The following BRAF variants were observed in gnomAD, a reference collection of about 807,000 sequenced individuals.
BRAF encodes serine/threonine-protein kinase B-raf.
Under a neutral mutation model 104.6 loss-of-function variants are expected in BRAF, and 16 were observed. The observed-to-expected ratio is 0.15, with a 90% confidence interval of 0.10 to 0.23. BRAF has a LOEUF of 0.23. Ranked by LOEUF, BRAF falls within the 10% of genes least tolerant of loss-of-function variation. The pLI, the probability that BRAF is intolerant of heterozygous loss-of-function variation, is 1.00. For missense variants in BRAF, 541 were observed against 937.3 expected, an observed-to-expected ratio of 0.58 and a Z score of 5.52; for synonymous variants, 310 against 341.6, an observed-to-expected ratio of 0.91 and a Z score of 1.02.
chr7:140,757,805 C>T (rs961797074), intron 14 of BRAF, among the ~76,000 whole-genome samples: 4 of 152,024 alleles, frequency 2.6e-5, no homozygotes, highest in South Asian at 4.1e-4. Flanking sequence ...CTTCTAAATA[C>T]GTAATTATAT....
chr7:140,922,967 G>A (rs536140971), intron 1 of BRAF, among the ~76,000 whole-genome samples: 3 of 152,148 alleles, frequency 2.0e-5, no homozygotes, highest in African/African-American at 7.2e-5. Flanking sequence ...CTGGGGGAAA[G>A]GAACAGATAT....
chr7:140,772,335 A>C (rs1182444484), intron 14 of BRAF, among the ~76,000 whole-genome samples: 2 of 152,124 alleles, frequency 1.3e-5, no homozygotes, highest in African/African-American at 4.8e-5. Context: ...AAATGTACTG[A>C]AAATAGGCCG....
At chr7:140,875,498 T>C (rs911243221) in intron 1 of BRAF, among the ~76,000 whole-genome samples, 3 of 152,174 alleles carry the variant, frequency 2.0e-5, no homozygotes, top group Non-Finnish European at 2.9e-5. Context: ...GCCTCAGCCT[T>C]CCTAGAAGCT....
At chr7:140,912,148 C>T (rs776204136) in intron 1 of BRAF, among the ~76,000 whole-genome samples, 4 of 152,144 alleles carry the variant, frequency 2.6e-5, no homozygotes, top group Non-Finnish European at 5.9e-5. Context: ...GTGAGACCCC[C>T]ATCTCTTAAA....
At chr7:140,919,417 C>T (rs1817973590) in intron 1 of BRAF, among the ~76,000 whole-genome samples, 1 of 151,902 alleles carries the variant, frequency 6.6e-6, no homozygotes, top group Non-Finnish European at 1.5e-5. Context: ...GCATTGAGTT[C>T]CCTCTATATG....
At chr7:140,836,765 T>C (rs918686472) in intron 2 of BRAF, among the ~76,000 whole-genome samples, 1 of 152,156 alleles carries the variant, frequency 6.6e-6, no homozygotes, top group African/African-American at 2.4e-5. Context: ...CTTGGCACTG[T>C]TAGGGCTCAG....
At chr7:140,802,705 T>C (rs1419323151) in intron 5 of BRAF, among the ~76,000 whole-genome samples, 7 of 152,180 alleles carry the variant, frequency 4.6e-5, no homozygotes, top group Non-Finnish European at 1.0e-4. Flanking sequence ...TGTATAGCTA[T>C]ATAATGTTTT....
downstream of BRAF, among the ~76,000 whole-genome samples, chr7:140,717,895 T>TTTA (rs1179026816): frequency 2.6e-5 from 4 of 152,152 alleles, no homozygotes; most frequent in African/African-American, 4.8e-5. Flanking sequence ...GACATTTATT[T>TTTA]TTATTTTTAG....
chr7:140,906,330 T>C (rs2129134709), intron 1 of BRAF, among the ~76,000 whole-genome samples: 1 of 151,954 alleles, frequency 6.6e-6, no homozygotes, highest in East Asian at 1.9e-4. Context: ...GCCACCTGAG[T>C]AGCTGGGGCT....
chr7:140,738,600 T>C (rs983887653), intron 18 of BRAF, among the ~76,000 whole-genome samples: 2 of 152,144 alleles, frequency 1.3e-5, no homozygotes, highest in African/African-American at 4.8e-5. Context: ...TGTAAGCTAG[T>C]TGAGGTATTT....
In BRAF at chr7:140,767,112, A is replaced by T. The variant is rs535746513; in HGVS notation, c.1814+9800T>A. On this transcript the variant is annotated intron_variant, in intron 14 of 19. Coordinates refer to ENST00000644969, the MANE Select transcript of BRAF (RefSeq NM_001374258.1). The stretch of plus-strand genomic sequence containing the variant: ...TCATCTTCCCAGGCTCTAGAGATCC[A>T]CTTGTCTCAGCTTCCCAAGTAGCTG... 1.1e-4 allele frequency among the ~76,000 whole-genome samples: 16 copies of T among 152,004 alleles called. No homozygotes were observed. In the South Asian group the frequency reaches 1.5e-3, roughly 14 times the overall value.
chr7:140,748,583 C>G (rs978506661), intron 17 of BRAF, among the ~76,000 whole-genome samples: 1 of 152,144 alleles, frequency 6.6e-6, no homozygotes. Context: ...GTTGTAATCT[C>G]TCTACACACA....
intron 14 of BRAF, among the ~76,000 whole-genome samples, chr7:140,764,636 C>A (rs528895900): frequency 6.6e-6 from 1 of 152,172 alleles, no homozygotes; most frequent in African/African-American, 2.4e-5. Context: ...AAACCACAAG[C>A]ATTCTTATAC....
At chr7:140,807,530 G>C (rs758773538) in intron 5 of BRAF, among the ~76,000 whole-genome samples, 2 of 151,120 alleles carry the variant, frequency 1.3e-5, no homozygotes, top group Non-Finnish European at 3.0e-5. Flanking sequence ...TTTAAGAAAG[G>C]GAAAAGAAAA....
Position 140,805,547 on chromosome 7 carries a change from C to T in BRAF, c.711+2413G>A, listed in dbSNP as rs181898069. Among the ~76,000 whole-genome samples the T allele has an allele frequency of 3.4e-3, 513 of 151,898 alleles. 3 individuals are homozygous for T. Among genetic ancestry groups the T allele is most frequent in the Middle Eastern group, 6.8e-3 (2 of 294 alleles). ...GATATATCTTTCTTTTGGGTCACAG[C>T]TTACACTTAATCTAGTATCTGAGTA... On this transcript the variant is annotated intron_variant, in intron 5 of 19. Coordinates refer to ENST00000644969, the MANE Select transcript of BRAF (RefSeq NM_001374258.1).
chr7:140,789,890 C>G (rs1801780014), intron 8 of BRAF, among the ~76,000 whole-genome samples: 1 of 152,130 alleles, frequency 6.6e-6, no homozygotes, highest in Non-Finnish European at 1.5e-5. Flanking sequence ...GCCACCATGC[C>G]CGGCTAATTT....
chr7:140,731,276 A>G (rs140891432), intron 19 of BRAF: 2,161 of 152,334 alleles, frequency 0.014, 25 homozygotes, highest in Non-Finnish European at 0.023. Flanking sequence ...CTTGGCCTCC[A>G]AAAGTGCTGG....
chr7:140,748,248 A>G (rs934747988), intron 17 of BRAF, among the ~76,000 whole-genome samples: 9 of 152,242 alleles, frequency 5.9e-5, no homozygotes, highest in Non-Finnish European at 1.2e-4. Flanking sequence ...CAAATCACTT[A>G]AATGAAGCAG....
In BRAF at chr7:140,884,207, A is replaced by T. The variant is rs553872597; in HGVS notation, c.139-33995T>A. On this transcript the variant is annotated intron_variant, in intron 1 of 19. Coordinates refer to ENST00000644969, the MANE Select transcript of BRAF (RefSeq NM_001374258.1). ...AATTAAAAAATTTTTAAATTAAAAAAATTTTTTTTAAAATTAGATTCAACC... is the reference window on the plus strand; with the variant it reads ...AATTAAAAAATTTTTAAATTAAAAATATTTTTTTTAAAATTAGATTCAACC... 1.4e-4 allele frequency: 21 copies of T among 152,064 alleles called. No homozygotes were observed. In the South Asian group the frequency reaches 1.5e-3, roughly 11 times the overall value. The allele number at this position is 152,064 out of a possible 1,614,324, so 9.4% of individuals were successfully genotyped here. A position where few individuals can be genotyped will look rare whatever the true frequency, so the allele number is the denominator to read the frequency against.
Sources: gnomAD v4.1 joint callset for allele counts (sites outside exome capture counted in the v4.1 genomes callset) on GRCh38, gnomAD v4.1.1 for gene constraint, MANE v1.5 for transcripts, NCBI Gene and HGNC (gene_info 2026-07-23, HGNC 2026-07-21) for gene names.